The following ZNF470 variants were observed in gnomAD, a reference collection of about 807,000 sequenced individuals.
ZNF470 encodes the protein zinc finger protein 470.
ZNF470 carries 13 observed loss-of-function variants against 13.9 expected under a neutral mutation model. The observed-to-expected ratio is 0.94, with a 90% CI of 0.61 to 1.49. The LOEUF (loss-of-function observed/expected upper bound fraction) is 1.49, where lower values mean the gene tolerates loss of function less well. ZNF470 is among the 40% of genes most tolerant of loss of function. The probability of loss-of-function intolerance (pLI) is 0.00; values close to 1 mark genes in which losing one functional copy is unlikely to be tolerated. For missense variants in ZNF470, 929 were observed against 857.3 expected, an observed-to-expected ratio of 1.08 and a Z score of -1.04; for synonymous variants, 293 against 282.9, an observed-to-expected ratio of 1.04 and a Z score of -0.36.
chr19:56,572,382 A>ACACATG (rs2044460560), intron 3 of ZNF470, among the ~76,000 whole-genome samples: 4 of 101,374 alleles, frequency 3.9e-5, no homozygotes, highest in Non-Finnish European at 7.4e-5. Flanking sequence ...ATATATATAT[A>ACACATG]TATATATAAA....
Position 56,576,764 on chromosome 19 carries a change from A to G in ZNF470, c.335A>G (p.Tyr112Cys), listed in dbSNP as rs1865797644. Reference sequence around the variant, plus strand: ...TCATTATCTTTAAACCAGGATATTTATGAAGAAAAATTACCCCCGGCAATC... The same window carrying G: ...TCATTATCTTTAAACCAGGATATTTGTGAAGAAAAATTACCCCCGGCAATC... ...TKSLSLNQDI[Y>C]EEKLPPAIIM... The change falls in exon 6 of 6, where the codon TAT becomes TGT. Residue 112 changes from tyrosine (Y) to cysteine (C), a missense_variant. Transcript: ENST00000330619. 9 of 1,522,528 alleles carry G rather than the reference A, an allele frequency of 5.9e-6. No individual in the cohort carries two copies. The highest frequency in any genetic ancestry group is 7.9e-6 in the Non-Finnish European group (9 of 1,140,300). 94.3% of individuals were successfully genotyped at this position (1,522,528 alleles called of 1,614,324 possible). A position where few individuals can be genotyped will look rare whatever the true frequency, so the allele number is the denominator to read the frequency against.
Position 56,581,875 on chromosome 19 carries a change from C to T in ZNF470, c.*3292C>T, listed in dbSNP as rs764543032. 1.3e-5 allele frequency: 13 copies of T among 985,378 alleles called. No individual in the cohort carries two copies. The highest frequency in any genetic ancestry group is 1.4e-5 in the Non-Finnish European group (12 of 829,922). The allele number at this position is 985,378 out of a possible 1,614,324, so 61.0% of individuals were successfully genotyped here. On this transcript the variant is annotated 3_prime_UTR_variant, in exon 6 of 6. Transcript: ENST00000330619. ...ATCTGTGTCATCCAATGGCAACTCCCTAAAAGCTGATGCAGTTATTCTTTT... is the reference window on the plus strand; with the variant it reads ...ATCTGTGTCATCCAATGGCAACTCCTTAAAAGCTGATGCAGTTATTCTTTT...
intron 2 of ZNF470, among the ~76,000 whole-genome samples, chr19:56,569,764 C>T (rs769070760): frequency 2.6e-5 from 4 of 151,946 alleles, no homozygotes; most frequent in Non-Finnish European, 4.4e-5. Context: ...AGGAGGTTGA[C>T]ACCTCCTGGC....
In ZNF470 at chr19:56,579,842, C is replaced by G. The variant is rs1201861283; in HGVS notation, c.*1259C>G. On this transcript the variant is annotated 3_prime_UTR_variant, in exon 6 of 6. Transcript: ENST00000330619. The stretch of plus-strand genomic sequence containing the variant: ...TTCATTGATATTCCAGTAAAAATTT[C>G]CATATTTTTTTAGTTGAGAAGCTGA... 1 of 780,546 alleles carries G rather than the reference C, an allele frequency of 1.3e-6. No individual in the cohort carries two copies. The highest frequency in any genetic ancestry group is 1.3e-4 in the East Asian group (1 of 7,868). The allele number at this position is 780,546 out of a possible 1,614,324, so 48.4% of individuals were successfully genotyped here.
chr19:56,573,095 C>G (rs965354749), intron 3 of ZNF470, among the ~76,000 whole-genome samples: 1 of 152,194 alleles, frequency 6.6e-6, no homozygotes, highest in Non-Finnish European at 1.5e-5. Flanking sequence ...GAGACCATGT[C>G]TAAACTATTG....
intron 1 of ZNF470, 78 bp downstream of exon 1, chr19:56,568,116 C>A (rs1006559236): frequency 1.0e-6 from 1 of 985,944 alleles, no homozygotes; most frequent in East Asian, 1.1e-4. Context: ...GGTTCAGGTG[C>A]TGGAGGAGGA....
Position 56,579,611 on chromosome 19 carries a change from A to G in ZNF470, c.*1028A>G, listed in dbSNP as rs1178808959. 1 of 985,358 alleles carries G rather than the reference A, an allele frequency of 1.0e-6. No individual in the cohort carries two copies. The highest frequency in any genetic ancestry group is 1.2e-6 in the Non-Finnish European group (1 of 829,944). 61.0% of individuals were successfully genotyped at this position (985,358 alleles called of 1,614,324 possible). A position where few individuals can be genotyped will look rare whatever the true frequency, so the allele number is the denominator to read the frequency against. On this transcript the variant is annotated 3_prime_UTR_variant, in exon 6 of 6. Transcript: ENST00000330619. The stretch of plus-strand genomic sequence containing the variant: ...ATTCGTGTGGTATTTAAATTGTTCT[A>G]GCATAAAATAAAATGCAATAAGACC...
Position 56,581,504 on chromosome 19 carries a change from C to G in ZNF470, c.*2921C>G. 4.7e-6 allele frequency: 4 copies of G among 859,662 alleles called. No homozygotes were observed. Among genetic ancestry groups the G allele is most frequent in the Non-Finnish European group, 5.6e-6 (4 of 715,882 alleles). The allele number at this position is 859,662 out of a possible 1,614,324, so 53.3% of individuals were successfully genotyped here. A position where few individuals can be genotyped will look rare whatever the true frequency, so the allele number is the denominator to read the frequency against. The stretch of plus-strand genomic sequence containing the variant: ...GGTAAACTATTAAAACAACAAGTGT[C>G]CATCAGGGTAATAAATAAATTAATT... On this transcript the variant is annotated 3_prime_UTR_variant, in exon 6 of 6. Coordinates refer to ENST00000330619, the MANE Select transcript of ZNF470 (RefSeq NM_001001668.4).
Position 56,576,868 on chromosome 19 carries a change from A to T in ZNF470, c.439A>T (p.Arg147Trp). ...CTGGAAATGTGAAGACTTGTTTGAGAGGGAGCTTGTAAACCAGAAGACACA... is the reference window on the plus strand; with the variant it reads ...CTGGAAATGTGAAGACTTGTTTGAGTGGGAGCTTGTAAACCAGAAGACACA... ...KNWKCEDLFE[R>W]ELVNQKTHFR... The change falls in exon 6 of 6, where the codon AGG becomes TGG. Residue 147 changes from arginine (R) to tryptophan (W), a missense_variant. Physicochemically the swap from Arg to Trp is moderately radical, Grantham distance 101. Coordinates refer to ENST00000330619, the MANE Select transcript of ZNF470 (RefSeq NM_001001668.4). The T allele has an allele frequency of 6.3e-7, 1 of 1,591,782 alleles. No homozygotes were observed. The highest frequency in any genetic ancestry group is 1.2e-5 in the South Asian group (1 of 86,948).
In ZNF470 at chr19:56,581,995, T is replaced by C; in HGVS notation, c.*3412T>C. ...TTTCCGGTACTTGATTTTTGCCTCC[T>C]GTTGGTCAGTTGCTTGCAAGTAAAG... On this transcript the variant is annotated 3_prime_UTR_variant, in exon 6 of 6. Coordinates refer to ENST00000330619, the MANE Select transcript of ZNF470 (RefSeq NM_001001668.4). The C allele has an allele frequency of 2.0e-6, 2 of 985,438 alleles. No individual in the cohort carries two copies. Among genetic ancestry groups the C allele is most frequent in the Non-Finnish European group, 1.2e-6 (1 of 829,932 alleles). The allele number at this position is 985,438 out of a possible 1,614,324, so 61.0% of individuals were successfully genotyped here. A position where few individuals can be genotyped will look rare whatever the true frequency, so the allele number is the denominator to read the frequency against.
chr19:56,581,578 C>A lies in ZNF470; in HGVS notation c.*2995C>A. 1 of 796,480 alleles carries A rather than the reference C, an allele frequency of 1.3e-6. No individual in the cohort carries two copies. The highest frequency in any genetic ancestry group is 1.5e-6 in the Non-Finnish European group (1 of 657,998). The allele number at this position is 796,480 out of a possible 1,614,324, so 49.3% of individuals were successfully genotyped here. On this transcript the variant is annotated 3_prime_UTR_variant, in exon 6 of 6. Coordinates refer to ENST00000330619, the MANE Select transcript of ZNF470 (RefSeq NM_001001668.4). The stretch of plus-strand genomic sequence containing the variant: ...AATTATGCAGCTGTTGAAAAAAAAT[C>A]AATGTGTGTAGTCATAGAAAGATAG...
At position 56,581,337 on chromosome 19, in the gene ZNF470, G is replaced by T; in HGVS notation, c.*2754G>T. On this transcript the variant is annotated 3_prime_UTR_variant, in exon 6 of 6. Transcript: ENST00000330619. ...CTGACTAATCGAGTGATAACATTCAGTATTGGTGAATGTGTGGAAACAAGG... is the reference window on the plus strand; with the variant it reads ...CTGACTAATCGAGTGATAACATTCATTATTGGTGAATGTGTGGAAACAAGG... 1.2e-6 allele frequency: 1 copy of T among 851,188 alleles called. No homozygotes were observed. Among genetic ancestry groups the T allele is most frequent in the Middle Eastern group, 6.0e-4 (1 of 1,670 alleles). The allele number at this position is 851,188 out of a possible 1,614,324, so 52.7% of individuals were successfully genotyped here.
chr19:56,571,271 G>A (rs534877709), intron 3 of ZNF470, among the ~76,000 whole-genome samples: 1 of 152,150 alleles, frequency 6.6e-6, no homozygotes, highest in African/African-American at 2.4e-5. Flanking sequence ...TAGGTAAATT[G>A]TTGACAATTA....
At position 56,574,659 on chromosome 19, in the gene ZNF470, A is replaced by G. The variant is rs920348488; in HGVS notation, c.209A>G (p.Asp70Gly). Residue 70 changes from aspartate to glycine, a missense_variant, in exon 5 of 6, where the codon GAT becomes GGT. Transcript: ENST00000330619. ...GCAGGTCTTTGCATTTCTAAACCAG[A>G]TGTGATCTCCTTACTGGAGCAAGAG... is the stretch of plus-strand genomic sequence containing the variant. ...VSVGLCISKP[D>G]VISLLEQEKD... 1.9e-6 allele frequency: 3 copies of G among 1,613,786 alleles called. No homozygotes were observed. Among genetic ancestry groups the G allele is most frequent in the African/African-American group, 1.3e-5 (1 of 75,022 alleles).
chr19:56,576,672 C>T, intron 5 of ZNF470, 41 bp from the exon 6 acceptor site: 1 of 1,357,118 alleles, frequency 7.4e-7, no homozygotes, highest in South Asian at 2.4e-5. Flanking sequence ...ATTATTCTAG[C>T]ATTTAATAAA....
chr19:56,582,173 C>G lies in ZNF470; in HGVS notation c.*3590C>G, dbSNP rs567619620. On this transcript the variant is annotated 3_prime_UTR_variant, in exon 6 of 6. Transcript: ENST00000330619. ...CATCTCATGGTGTGCGATGAGCAAA[C>G]GCCTGATTATTCATTATAGTCACCT... 78 of 985,306 alleles carry G rather than the reference C, an allele frequency of 7.9e-5. No homozygotes were observed. The African/African-American group carries it at 1.1e-3, about 14-fold the overall frequency. The allele number at this position is 985,306 out of a possible 1,614,324, so 61.0% of individuals were successfully genotyped here.
Position 56,570,291 on chromosome 19 carries a change from C to G in ZNF470, c.-21C>G. 1.2e-6 allele frequency: 2 copies of G among 1,612,346 alleles called. No homozygotes were observed. The highest frequency in any genetic ancestry group is 1.7e-6 in the Non-Finnish European group (2 of 1,178,546). On this transcript the variant is annotated 5_prime_UTR_variant, in exon 3 of 6. Coordinates refer to ENST00000330619, the MANE Select transcript of ZNF470 (RefSeq NM_001001668.4). ...CTTTTTCTCCCCAGCTCTACAATCCCAGAGTAAAGCTCTTCTCCAAATGAA... is the reference window on the plus strand; with the variant it reads ...CTTTTTCTCCCCAGCTCTACAATCCGAGAGTAAAGCTCTTCTCCAAATGAA...
In ZNF470 at chr19:56,580,520, A is replaced by T. The variant is rs1568497567; in HGVS notation, c.*1937A>T. On this transcript the variant is annotated 3_prime_UTR_variant, in exon 6 of 6. Coordinates refer to ENST00000330619, the MANE Select transcript of ZNF470 (RefSeq NM_001001668.4). ...ACGGAGTTGTGCAACCATCACCACC[A>T]TCAATTTTAGAACATTTTCATCACC... 1 of 152,150 alleles carries T rather than the reference A, an allele frequency of 6.6e-6. No homozygotes were observed. 9.4% of individuals were successfully genotyped at this position (152,150 alleles called of 1,614,324 possible). A position where few individuals can be genotyped will look rare whatever the true frequency, so the allele number is the denominator to read the frequency against.
Position 56,580,317 on chromosome 19 carries a change from A to G in ZNF470, c.*1734A>G, listed in dbSNP as rs2044526070. The G allele has an allele frequency of 7.4e-6, 2 of 270,700 alleles. No individual in the cohort carries two copies. Among genetic ancestry groups the G allele is most frequent in the South Asian group, 2.8e-4 (2 of 7,064 alleles). The allele number at this position is 270,700 out of a possible 1,614,324, so 16.8% of individuals were successfully genotyped here. On this transcript the variant is annotated 3_prime_UTR_variant, in exon 6 of 6. Transcript: ENST00000330619. ...AACAGAGATCATGGCAGTTATGTTC[A>G]CTCATATAAATGTTGATTTAGAAGC...
Sources: gnomAD v4.1 joint callset for allele counts (sites outside exome capture counted in the v4.1 genomes callset) on GRCh38, gnomAD v4.1.1 for gene constraint, MANE v1.5 for transcripts, NCBI Gene and HGNC (gene_info 2026-07-23, HGNC 2026-07-21) for gene names.